Variants in ADAMTS17 observed in about 807,000 individuals in gnomAD.
ADAMTS17 encodes A disintegrin and metalloproteinase with thrombospondin motifs 17.
A neutral mutation model predicts 141.5 loss-of-function variants in ADAMTS17; 113 were observed. That is an observed-to-expected ratio of 0.80 (90% CI 0.69 to 0.93). The LOEUF (loss-of-function observed/expected upper bound fraction) is 0.93. Ranked by LOEUF, ADAMTS17 falls within the 40% of genes least tolerant of loss-of-function variation. The pLI, the probability that ADAMTS17 is intolerant of heterozygous loss-of-function variation, is 0.00. For synonymous variants in ADAMTS17, 768 were observed against 630.6 expected, an observed-to-expected ratio of 1.22 and a Z score of -3.27; for missense variants, 1,659 against 1,517.9, an observed-to-expected ratio of 1.09 and a Z score of -1.54.
intron 18 of ADAMTS17, among the ~76,000 whole-genome samples, chr15:100,037,801 G>T (rs2030886951): frequency 6.6e-6 from 1 of 151,838 alleles, no homozygotes; most frequent in Admixed American, 6.6e-5. Flanking sequence ...TTGAGACAAG[G>T]TCTCACTCTG....
intron 4 of ADAMTS17, among the ~76,000 whole-genome samples, chr15:100,264,277 T>C (rs10902566): frequency 0.77 from 117,693 of 152,120 alleles, 45,774 homozygotes; most frequent in East Asian, 0.95. Flanking sequence ...GCACCCAACT[T>C]GTTCCTGTTT....
intron 15 of ADAMTS17, among the ~76,000 whole-genome samples, chr15:100,084,486 A>G (rs529952856): frequency 2.0e-5 from 3 of 152,346 alleles, no homozygotes; most frequent in African/African-American, 7.2e-5. Context: ...ACAGCCTTGA[A>G]GAGAGTAGTA....
chr15:100,023,079 C>A (rs1274954992), intron 18 of ADAMTS17, among the ~76,000 whole-genome samples: 1 of 152,332 alleles, frequency 6.6e-6, no homozygotes, highest in Non-Finnish European at 1.5e-5. Flanking sequence ...ACACAGGAGA[C>A]TGGCTGGCTG....
At chr15:100,265,702 C>G (rs925189928) in intron 4 of ADAMTS17, among the ~76,000 whole-genome samples, 22 of 152,284 alleles carry the variant, frequency 1.4e-4, no homozygotes, top group African/African-American at 5.1e-4. Context: ...GGCCTCCCCC[C>G]AGAGCCACAC....
intron 13 of ADAMTS17, among the ~76,000 whole-genome samples, chr15:100,111,543 G>A (rs1487460517): frequency 6.6e-6 from 1 of 152,254 alleles, no homozygotes; most frequent in Admixed American, 6.5e-5. Context: ...GAGAAATACA[G>A]CAACACAGCC....
chr15:100,064,381 G>A lies in ADAMTS17; in HGVS notation c.2138-10327C>T, dbSNP rs188852232. Among the ~76,000 whole-genome samples the A allele has an allele frequency of 5.0e-4, 76 of 152,264 alleles. 1 individual carries two copies. The highest frequency in any genetic ancestry group is 1.1e-3 in the African/African-American group (44 of 41,558). On this transcript the variant is annotated intron_variant, in intron 15 of 21. Coordinates refer to ENST00000268070, the MANE Select transcript of ADAMTS17 (RefSeq NM_139057.4). ...CTGGTGCTTATGCCACCTAGTTTGC[G>A]GCACTTTGTTACGGAAACCATAGCA...
intron 6 of ADAMTS17, among the ~76,000 whole-genome samples, chr15:100,260,077 T>C (rs1389348162): frequency 1.4e-4 from 21 of 152,132 alleles, no homozygotes; most frequent in Non-Finnish European, 4.4e-5. Flanking sequence ...ACTCCTGACC[T>C]CAGGTGATCC....
chr15:100,189,717 T>C (rs1387772550), intron 8 of ADAMTS17, among the ~76,000 whole-genome samples: 1 of 152,218 alleles, frequency 6.6e-6, no homozygotes, highest in Non-Finnish European at 1.5e-5. Context: ...TCCTCCTGGA[T>C]CTGCTATGTC....
chr15:100,035,135 G>T (rs776660155), intron 18 of ADAMTS17, among the ~76,000 whole-genome samples: 6 of 152,156 alleles, frequency 3.9e-5, no homozygotes, highest in Non-Finnish European at 7.4e-5. Context: ...TTTCAAAAGA[G>T]CAATACCTTT....
intron 7 of ADAMTS17, among the ~76,000 whole-genome samples, chr15:100,238,660 C>A (rs1294445655): frequency 6.6e-6 from 1 of 152,232 alleles, no homozygotes; most frequent in Non-Finnish European, 1.5e-5. Context: ...TCAGGCTTTG[C>A]TGTGAGATAG....
At chr15:100,306,418 TATGGACGCCA>T (rs2045227546) in intron 3 of ADAMTS17, 2 of 453,470 alleles carry the variant, frequency 4.4e-6, no homozygotes. Context: ...GCCACCAAGG[TATGGACGCCA>T]AGCTGCAGAG....
chr15:100,241,031 G>A (rs527422500), intron 7 of ADAMTS17, among the ~76,000 whole-genome samples: 13 of 152,132 alleles, frequency 8.5e-5, no homozygotes, highest in African/African-American at 3.1e-4. Flanking sequence ...TCACCATGTT[G>A]GTCAGGCTGG....
chr15:99,974,450 G>A lies in ADAMTS17; in HGVS notation c.3240C>T (p.Cys1080=). The change falls in exon 22 of 22, where the codon TGC becomes TGT. Residue 1080 remains cysteine (C), a synonymous_variant. Transcript: ENST00000268070. ...MRWYQRCCQT[C]RDFYANKMRQ... ...GCATCTTGTTTGCATAGAAGTCCCT[G>A]CAGGTCTGGCAGCAGCGCTGGTACC... The A allele has an allele frequency of 1.9e-6, 3 of 1,614,218 alleles. No individual in the cohort carries two copies. Among genetic ancestry groups the A allele is most frequent in the East Asian group, 2.2e-5 (1 of 44,884 alleles).
intron 12 of ADAMTS17, among the ~76,000 whole-genome samples, chr15:100,126,671 AATG>A (rs1446600291): frequency 6.6e-6 from 1 of 152,194 alleles, no homozygotes; most frequent in Non-Finnish European, 1.5e-5. Context: ...TCAGTGAAAA[AATG>A]ATATTAGGGA....
At chr15:100,096,247 A>C (rs2035748880) in intron 15 of ADAMTS17, 109 bp downstream of exon 15, 19 of 1,563,324 alleles carry the variant, frequency 1.2e-5, no homozygotes, top group East Asian at 2.3e-5. Flanking sequence ...TCACCTATCC[A>C]CTACCATCTA....
chr15:100,061,987 T>C (rs757035677), intron 15 of ADAMTS17, among the ~76,000 whole-genome samples: 2 of 152,336 alleles, frequency 1.3e-5, no homozygotes, highest in South Asian at 2.1e-4. Context: ...CCAATGTCCT[T>C]TGATGGGCAG....
At chr15:100,311,150 A>G (rs1213567414) in intron 3 of ADAMTS17, among the ~76,000 whole-genome samples, 1 of 152,256 alleles carries the variant, frequency 6.6e-6, no homozygotes, top group Non-Finnish European at 1.5e-5. Flanking sequence ...CTTTTTGGCC[A>G]GAGGCCTCCT....
intron 8 of ADAMTS17, among the ~76,000 whole-genome samples, chr15:100,159,527 T>C (rs769864880): frequency 1.3e-5 from 2 of 152,230 alleles, no homozygotes; most frequent in Admixed American, 6.5e-5. Context: ...GAGAGAGTTT[T>C]TAAATGAGCA....
intron 10 of ADAMTS17, among the ~76,000 whole-genome samples, chr15:100,148,627 C>A (rs1370231206): frequency 1.3e-5 from 2 of 151,604 alleles, no homozygotes; most frequent in Non-Finnish European, 2.9e-5. Flanking sequence ...TATAACTTAT[C>A]TGTTTTTCCT....
Sources: gnomAD v4.1 joint callset for allele counts (sites outside exome capture counted in the v4.1 genomes callset) on GRCh38, gnomAD v4.1.1 for gene constraint, MANE v1.5 for transcripts, NCBI Gene and HGNC (gene_info 2026-07-23, HGNC 2026-07-21) for gene names.